The following COA1 variants were observed in gnomAD, a reference collection of about 807,000 sequenced individuals.
The protein encoded by COA1 is cytochrome c oxidase assembly factor 1, also known as cytochrome c oxidase assembly factor 1 homolog.
COA1 carries 13 observed loss-of-function variants against 16.0 expected under a neutral mutation model. The ratio of observed to expected loss-of-function variants is 0.81; its 90% CI spans 0.53 to 1.29. COA1 has a LOEUF of 1.29. Among genes scored for constraint, COA1 ranks in the 50% most tolerant of loss-of-function variants. COA1 has a pLI of 0.00. For synonymous variants in COA1, 65 were observed against 65.7 expected, an observed-to-expected ratio of 0.99 and a Z score of 0.05; for missense variants, 179 against 177.0, an observed-to-expected ratio of 1.01 and a Z score of -0.06.
At chr7:43,715,360 C>A (rs1013293173) in intron 1 of COA1, among the ~76,000 whole-genome samples, 3 of 151,962 alleles carry the variant, frequency 2.0e-5, no homozygotes, top group African/African-American at 7.3e-5. Flanking sequence ...CACCTGTAGT[C>A]CCAGCTACTC....
chr7:43,706,204 TAGAGC>T (rs1038685626), intron 1 of COA1, among the ~76,000 whole-genome samples: 69 of 152,262 alleles, frequency 4.5e-4, no homozygotes, highest in African/African-American at 1.6e-3. Context: ...CACAAATACT[TAGAGC>T]ATTTTGATTC....
intron 6 of COA1, among the ~76,000 whole-genome samples, chr7:43,621,390 CA>C (rs1330351116): frequency 9.9e-5 from 15 of 152,194 alleles, no homozygotes; most frequent in African/African-American, 3.6e-4. Context: ...AGCTCAAATA[CA>C]CAAGACTGCA....
At chr7:43,717,697 G>A (rs981670598) in intron 1 of COA1, among the ~76,000 whole-genome samples, 4 of 152,170 alleles carry the variant, frequency 2.6e-5, no homozygotes, top group South Asian at 2.1e-4. Context: ...AGGGGCCGGG[G>A]GGGGAACAAT....
intron 6 of COA1, among the ~76,000 whole-genome samples, chr7:43,616,852 G>A (rs778753367): frequency 6.6e-6 from 1 of 152,128 alleles, no homozygotes; most frequent in Non-Finnish European, 1.5e-5. Flanking sequence ...AGCCGAGATC[G>A]CGCCACTGCA....
chr7:43,654,123 G>A (rs2091337480), intron 1 of COA1, among the ~76,000 whole-genome samples: 1 of 152,106 alleles, frequency 6.6e-6, no homozygotes. Context: ...GAAAGCCTGT[G>A]GAGAAAGGGT....
Position 43,613,716 on chromosome 7 carries a change from C to T in COA1, c.*134-4221G>A, listed in dbSNP as rs371241551. On this transcript the variant is annotated intron_variant and NMD_transcript_variant, in intron 6 of 6. Coordinates refer to the COA1 transcript ENST00000415076. ...AAAATCAGCCAGCCATGGTGGCACGCGCCTTTAGTCCCAGCTACAGAGGAA... is the reference window on the plus strand; with the variant it reads ...AAAATCAGCCAGCCATGGTGGCACGTGCCTTTAGTCCCAGCTACAGAGGAA... Among the ~76,000 whole-genome samples, 41 of 152,160 alleles carry T rather than the reference C, an allele frequency of 2.7e-4. No individual in the cohort carries two copies. In the East Asian group the frequency reaches 5.6e-3, roughly 21 times the overall value.
intron 2 of COA1, chr7:43,648,345 T>G: frequency 1.7e-6 from 1 of 576,198 alleles, no homozygotes; most frequent in Non-Finnish European, 3.1e-6. Flanking sequence ...CTCAACAGGG[T>G]GAGGCAGCCA....
At chr7:43,658,146 G>A (rs757219710) in intron 1 of COA1, among the ~76,000 whole-genome samples, 1 of 152,058 alleles carries the variant, frequency 6.6e-6, no homozygotes, top group African/African-American at 2.4e-5. Context: ...GGAGGCCGAG[G>A]CGGGTGGATC....
At chr7:43,658,251 C>T (rs2092017050) in intron 1 of COA1, among the ~76,000 whole-genome samples, 2 of 151,148 alleles carry the variant, frequency 1.3e-5, no homozygotes, top group African/African-American at 2.4e-5. Context: ...TGGCGGGCAC[C>T]GGGAGGCGGA....
chr7:43,636,959 CCTCT>C (rs1335831389), downstream of COA1, among the ~76,000 whole-genome samples: 1 of 151,912 alleles, frequency 6.6e-6, no homozygotes, highest in Non-Finnish European at 1.5e-5. Flanking sequence ...CCTTTCCAGG[CCTCT>C]CTTTTACTTT....
chr7:43,677,860 T>C (rs997279927), intron 1 of COA1, among the ~76,000 whole-genome samples: 19 of 151,384 alleles, frequency 1.3e-4, no homozygotes, highest in African/African-American at 3.9e-4. Context: ...CTTTTAATAC[T>C]TAAAAAGGTT....
chr7:43,647,004 T>G (rs932642196), intron 3 of COA1: 1 of 170,492 alleles, frequency 5.9e-6, no homozygotes, highest in African/African-American at 2.4e-5. Flanking sequence ...TCTTTACAAA[T>G]TCAAATTTGA....
chr7:43,695,900 C>T (rs992254930), intron 1 of COA1, among the ~76,000 whole-genome samples: 7 of 152,144 alleles, frequency 4.6e-5, no homozygotes, highest in Admixed American at 2.6e-4. Flanking sequence ...CTTACAAATA[C>T]GAAAGGAAAC....
intron 1 of COA1, among the ~76,000 whole-genome samples, chr7:43,678,337 G>C (rs936850592): frequency 6.6e-6 from 1 of 152,100 alleles, no homozygotes; most frequent in South Asian, 2.1e-4. Context: ...ACTCAAAATG[G>C]ATCAAATACA....
chr7:43,699,217 G>GA (rs1332266793), intron 1 of COA1, among the ~76,000 whole-genome samples: 4 of 151,432 alleles, frequency 2.6e-5, no homozygotes, highest in Non-Finnish European at 4.4e-5. Context: ...ATTAAATCCA[G>GA]AAAAAAAACA....
chr7:43,623,606 G>T, intron 6 of COA1: 2 of 1,611,218 alleles, frequency 1.2e-6, no homozygotes, highest in South Asian at 1.1e-5. Context: ...CTATAAGCAT[G>T]GCAACAGATA....
intron 6 of COA1, among the ~76,000 whole-genome samples, chr7:43,619,075 G>A (rs1025803533): frequency 2.0e-5 from 3 of 152,212 alleles, no homozygotes; most frequent in African/African-American, 7.2e-5. Context: ...ATACAAGGAT[G>A]CTTGACAGTG....
chr7:43,617,676 G>A (rs1231758123), intron 6 of COA1, among the ~76,000 whole-genome samples: 1 of 152,190 alleles, frequency 6.6e-6, no homozygotes, highest in African/African-American at 2.4e-5. Context: ...TAATAGGTAA[G>A]CAGCTGGTTG....
intron 6 of COA1, among the ~76,000 whole-genome samples, chr7:43,627,283 G>A (rs887733578): frequency 1.3e-5 from 2 of 152,138 alleles, no homozygotes; most frequent in Non-Finnish European, 2.9e-5. Context: ...TCTAGTAGTG[G>A]TATAGAGGAA....
Sources: gnomAD v4.1 joint callset for allele counts (sites outside exome capture counted in the v4.1 genomes callset) on GRCh38, gnomAD v4.1.1 for gene constraint, MANE v1.5 for transcripts, NCBI Gene and HGNC (gene_info 2026-07-23, HGNC 2026-07-21) for gene names.